The following PLXDC2 variants were observed in gnomAD, a reference collection of about 807,000 sequenced individuals.
The protein encoded by PLXDC2 is plexin domain containing 2, also known as plexin domain-containing protein 2.
In PLXDC2, 40 loss-of-function variants were observed where a neutral mutation model predicts 68.9. The observed-to-expected ratio is 0.58, with a 90% CI of 0.45 to 0.76. The LOEUF (loss-of-function observed/expected upper bound fraction) is 0.76. Among genes scored for constraint, PLXDC2 ranks in the 30% least tolerant of loss-of-function variants. The pLI is 0.00. For synonymous variants in PLXDC2, 243 were observed against 234.2 expected, an observed-to-expected ratio of 1.04 and a Z score of -0.34; for missense variants, 644 against 661.9, an observed-to-expected ratio of 0.97 and a Z score of 0.30.
intron 1 of PLXDC2, among the ~76,000 whole-genome samples, chr10:19,931,231 T>C (rs1411247936): frequency 6.6e-6 from 1 of 152,228 alleles, no homozygotes; most frequent in Non-Finnish European, 1.5e-5. Flanking sequence ...TCTTCAGAAG[T>C]CCTGAGGACG....
chr10:19,984,225 G>A (rs959208491), intron 1 of PLXDC2, among the ~76,000 whole-genome samples: 2 of 152,196 alleles, frequency 1.3e-5, no homozygotes, highest in African/African-American at 4.8e-5. Context: ...GGCCACTCCA[G>A]TAAGAGGTCT....
intron 4 of PLXDC2, among the ~76,000 whole-genome samples, chr10:20,076,391 G>A (rs902960438): frequency 2.6e-5 from 4 of 152,284 alleles, no homozygotes; most frequent in African/African-American, 9.6e-5. Flanking sequence ...TTCAGCAAAT[G>A]ACTTAATCTC....
chr10:20,002,674 G>T (rs934708118), intron 2 of PLXDC2, among the ~76,000 whole-genome samples: 1 of 152,176 alleles, frequency 6.6e-6, no homozygotes, highest in Non-Finnish European at 1.5e-5. Context: ...AACTGCTTGG[G>T]ATTGAGAGTT....
At position 20,286,635 on chromosome 10, in the gene PLXDC2, G is replaced by T. The variant is rs961916658; in HGVS notation, c.*6816G>T. 2.0e-5 allele frequency: 3 copies of T among 152,078 alleles called. No homozygotes were observed. Among genetic ancestry groups the T allele is most frequent in the Non-Finnish European group, 4.4e-5 (3 of 68,016 alleles). 9.4% of individuals were successfully genotyped at this position (152,078 alleles called of 1,614,324 possible). A position where few individuals can be genotyped will look rare whatever the true frequency, so the allele number is the denominator to read the frequency against. ...GAAGTTTCATGGGGGAATTTTAGGG[G>T]AAAGTATAAACCTAAGAGTGAGTGA... On this transcript the variant is annotated 3_prime_UTR_variant, in exon 14 of 14. Transcript: ENST00000377252.
chr10:20,142,926 T>G (rs1392873193), intron 4 of PLXDC2, among the ~76,000 whole-genome samples: 1 of 152,066 alleles, frequency 6.6e-6, no homozygotes, highest in Non-Finnish European at 1.5e-5. Context: ...AGGACTTGTG[T>G]GGTAAGCTAT....
chr10:20,059,635 T>A (rs1836063468), intron 3 of PLXDC2, among the ~76,000 whole-genome samples: 1 of 152,196 alleles, frequency 6.6e-6, no homozygotes, highest in Admixed American at 6.5e-5. Context: ...AGTAGCCAGT[T>A]CTCTGTTTGT....
At chr10:20,214,905 A>G (rs1399827397) in intron 10 of PLXDC2, among the ~76,000 whole-genome samples, 2 of 152,194 alleles carry the variant, frequency 1.3e-5, no homozygotes, top group East Asian at 1.9e-4. Flanking sequence ...TGAGTTTGAG[A>G]TGTGTGTGAC....
chr10:20,082,947 ATATGTATG>A (rs143600746), intron 4 of PLXDC2, among the ~76,000 whole-genome samples: 9 of 151,616 alleles, frequency 5.9e-5, no homozygotes, highest in East Asian at 1.9e-4. Context: ...ATATGTACAT[ATATGTATG>A]TATGTATGTA....
At chr10:20,224,401 T>C (rs1004983632) in intron 12 of PLXDC2, among the ~76,000 whole-genome samples, 6 of 152,226 alleles carry the variant, frequency 3.9e-5, no homozygotes, top group African/African-American at 1.4e-4. Flanking sequence ...AGTAGCTGAC[T>C]AGAAGAGTTA....
chr10:19,856,206 A>G (rs1837208732), intron 1 of PLXDC2, among the ~76,000 whole-genome samples: 1 of 152,218 alleles, frequency 6.6e-6, no homozygotes, highest in South Asian at 2.1e-4. Flanking sequence ...CTAATAGTGT[A>G]GAATGTTTTG....
chr10:20,014,327 C>CT (rs2131647259), intron 2 of PLXDC2, among the ~76,000 whole-genome samples: 1 of 130,470 alleles, frequency 7.7e-6, no homozygotes, highest in South Asian at 2.6e-4. Flanking sequence ...TCCTTCCTTC[C>CT]TTCTCCCCAC....
chr10:20,225,850 T>G (rs930107106), intron 12 of PLXDC2, among the ~76,000 whole-genome samples: 1 of 152,180 alleles, frequency 6.6e-6, no homozygotes, highest in African/African-American at 2.4e-5. Flanking sequence ...AGTGTTAAGT[T>G]GATAATAAAT....
rs558642879 is a variant in PLXDC2 at position 19,910,178 on chromosome 10, A to G, written c.113-91597A>G. On this transcript the variant is annotated intron_variant, in intron 1 of 13. Coordinates refer to ENST00000377252, the MANE Select transcript of PLXDC2 (RefSeq NM_032812.9). ...GTAAATTGTACACTTTTATATATAT[A>G]TATATATATATATATATGTCTGCAA... 7.5e-3 allele frequency among the ~76,000 whole-genome samples: 1,126 copies of G among 150,198 alleles called. 22 individuals are homozygous for G. The highest frequency in any genetic ancestry group is 0.026 in the African/African-American group (1,053 of 40,904).
At chr10:20,100,475 A>C (rs921082330) in intron 4 of PLXDC2, among the ~76,000 whole-genome samples, 2 of 152,208 alleles carry the variant, frequency 1.3e-5, no homozygotes, top group African/African-American at 4.8e-5. Flanking sequence ...GGGTGGAAGT[A>C]CAATGAACAT....
At chr10:20,082,052 A>C (rs1172865027) in intron 4 of PLXDC2, among the ~76,000 whole-genome samples, 4 of 142,418 alleles carry the variant, frequency 2.8e-5, no homozygotes, top group Middle Eastern at 3.5e-3. Flanking sequence ...TCTGAAAAAA[A>C]AAAAAAAAAA....
chr10:20,156,823 G>A (rs141825597), intron 6 of PLXDC2, among the ~76,000 whole-genome samples: 1 of 152,278 alleles, frequency 6.6e-6, no homozygotes, highest in Non-Finnish European at 1.5e-5. Flanking sequence ...TGATACCCTG[G>A]AAAGCAAATG....
chr10:20,149,229 C>CTTTTTTTTT (rs71200986), intron 6 of PLXDC2, among the ~76,000 whole-genome samples: 33 of 34,940 alleles, frequency 9.4e-4, no homozygotes, highest in African/African-American at 2.0e-3. Context: ...TTTTTCTTTT[C>CTTTTTTTTT]TTTTTTTTTT....
intron 1 of PLXDC2, among the ~76,000 whole-genome samples, chr10:19,861,299 T>C (rs1316731965): frequency 6.6e-6 from 1 of 152,088 alleles, no homozygotes; most frequent in Non-Finnish European, 1.5e-5. Context: ...CCTCCCAAAG[T>C]GCTGGGATTA....
At chr10:20,275,552 C>A (rs1279467507) in intron 13 of PLXDC2, among the ~76,000 whole-genome samples, 1 of 152,170 alleles carries the variant, frequency 6.6e-6, no homozygotes, top group African/African-American at 2.4e-5. Flanking sequence ...ACCCTGTGTG[C>A]TTCACTCTGG....
Sources: allele counts gnomAD v4.1 joint callset (sites outside exome capture counted in the v4.1 genomes callset), GRCh38; gene constraint gnomAD v4.1.1; transcripts MANE v1.5; gene names NCBI Gene and HGNC (gene_info 2026-07-23, HGNC 2026-07-21).